PRUNE2: variants seen among roughly 807,000 people sequenced by gnomAD.
PRUNE2 encodes prune homolog 2 with BCH domain.
A neutral mutation model predicts 252.0 loss-of-function variants in PRUNE2; 164 were observed. The ratio of observed to expected loss-of-function variants is 0.65; its 90% CI spans 0.57 to 0.74. PRUNE2 has a LOEUF of 0.74. PRUNE2 is among the 30% of genes least tolerant of loss of function. The pLI, the probability that PRUNE2 is intolerant of heterozygous loss-of-function variation, is 0.00. For synonymous variants in PRUNE2, 1,292 were observed against 1,350.2 expected, an observed-to-expected ratio of 0.96 and a Z score of 0.94; for missense variants, 3,495 against 3,711.0, an observed-to-expected ratio of 0.94 and a Z score of 1.51.
At chr9:76,852,228 C>T (rs73653227) in intron 2 of PRUNE2, among the ~76,000 whole-genome samples, 3,046 of 152,344 alleles carry the variant, frequency 0.02, 110 homozygotes, top group African/African-American at 0.069. Flanking sequence ...CCTCCTGTCA[C>T]GCTAATACCG....
intron 2 of PRUNE2, among the ~76,000 whole-genome samples, chr9:76,852,249 G>A (rs571074580): frequency 6.6e-6 from 1 of 152,344 alleles, no homozygotes; most frequent in South Asian, 2.1e-4. Context: ...AACCACAATT[G>A]CATAATAAGT....
At chr9:76,821,615 A>G (rs1203432695) in intron 6 of PRUNE2, among the ~76,000 whole-genome samples, 1 of 152,070 alleles carries the variant, frequency 6.6e-6, no homozygotes, top group East Asian at 1.9e-4. Flanking sequence ...GTTCTCATTC[A>G]GCCTATAAGA....
chr9:76,647,566 T>C (rs1408196122), intron 11 of PRUNE2, among the ~76,000 whole-genome samples: 12 of 151,944 alleles, frequency 7.9e-5, no homozygotes, highest in Admixed American at 3.3e-4. Context: ...AAGACAAAAA[T>C]CAAGAGAATG....
chr9:76,891,829 C>A (rs760316000), intron 1 of PRUNE2, among the ~76,000 whole-genome samples: 1 of 152,136 alleles, frequency 6.6e-6, no homozygotes, highest in Non-Finnish European at 1.5e-5. Flanking sequence ...TGTCTCTGGG[C>A]AAGGCTGGAC....
At chr9:76,813,526 C>T (rs1451960830) in intron 6 of PRUNE2, among the ~76,000 whole-genome samples, 2 of 152,166 alleles carry the variant, frequency 1.3e-5, no homozygotes, top group African/African-American at 2.4e-5. Context: ...AATATTCTTC[C>T]AGTATTTGAA....
chr9:76,875,526 C>T (rs925557505), intron 1 of PRUNE2, among the ~76,000 whole-genome samples: 2 of 152,038 alleles, frequency 1.3e-5, no homozygotes, highest in African/African-American at 2.4e-5. Flanking sequence ...CCACCATGCC[C>T]GGCCAATTTT....
intron 1 of PRUNE2, among the ~76,000 whole-genome samples, chr9:76,894,956 G>A (rs2062730524): frequency 1.3e-5 from 2 of 152,096 alleles, no homozygotes; most frequent in African/African-American, 4.8e-5. Flanking sequence ...AACCAGGGAG[G>A]TAGAGGTTGC....
Position 76,702,609 on chromosome 9 carries a change from G to GTGAA in PRUNE2, c.8276+724_8276+727dup, listed in dbSNP as rs59841123. Among the ~76,000 whole-genome samples the GTGAA allele has an allele frequency of 1.7e-4, 26 of 150,920 alleles. No homozygotes were observed. In the South Asian group the frequency reaches 2.9e-3, roughly 17 times the overall value. On this transcript the variant is annotated intron_variant, in intron 9 of 18. Transcript: ENST00000376718. ...AGAGCAAGCTCTCAAAAACCACATGGTGAATGAATGAATGAATGAATCACT... is the reference window on the plus strand; with the variant it reads ...AGAGCAAGCTCTCAAAAACCACATGGTGAATGAATGAATGAATGAATGAATCACT...
At chr9:76,660,082 G>A (rs899482167) in intron 9 of PRUNE2, among the ~76,000 whole-genome samples, 1 of 151,950 alleles carries the variant, frequency 6.6e-6, no homozygotes, top group African/African-American at 2.4e-5. Context: ...ACATTTCCAA[G>A]CTTAAAAAAA....
In PRUNE2 at chr9:76,776,335, G is replaced by GTTATTA. The variant is rs1487667382; in HGVS notation, c.756+47296_756+47297insTAATAA. Among the ~76,000 whole-genome samples, 490 of 152,000 alleles carry GTTATTA rather than the reference G, an allele frequency of 3.2e-3. 5 individuals carry two copies. The highest frequency in any genetic ancestry group is 0.012 in the African/African-American group (481 of 41,454). On this transcript the variant is annotated intron_variant, in intron 6 of 18. Transcript: ENST00000376718. ...CTCCGATGTTATTATTTCACTCTCT[G>GTTATTA]TGTCCATGTGTACACACTGTTTAGC... is the stretch of plus-strand genomic sequence containing the variant.
chr9:76,864,407 C>A (rs1368078669), intron 1 of PRUNE2, among the ~76,000 whole-genome samples: 1 of 151,958 alleles, frequency 6.6e-6, no homozygotes, highest in Non-Finnish European at 1.5e-5. Context: ...ACCTAATACA[C>A]CCATGTAACA....
intron 4 of PRUNE2, among the ~76,000 whole-genome samples, chr9:76,839,551 G>A (rs1365280476): frequency 2.0e-5 from 3 of 152,262 alleles, no homozygotes; most frequent in Non-Finnish European, 2.9e-5. Flanking sequence ...CAAGGGATGT[G>A]AGAATAGGCA....
chr9:76,813,697 G>C (rs1019606809), intron 6 of PRUNE2, among the ~76,000 whole-genome samples: 2 of 152,090 alleles, frequency 1.3e-5, no homozygotes, highest in Non-Finnish European at 2.9e-5. Context: ...CAATGCAAGA[G>C]TTACACAAAA....
At chr9:76,775,645 C>G (rs979337284) in intron 6 of PRUNE2, among the ~76,000 whole-genome samples, 2 of 152,202 alleles carry the variant, frequency 1.3e-5, no homozygotes, top group African/African-American at 4.8e-5. Context: ...GTCCATATTT[C>G]TTCTCTTCAG....
rs778343300 is a variant in PRUNE2 at position 76,708,959 on chromosome 9, C to T, written c.3315G>A (p.Arg1105=). The change falls in exon 8 of 19, where the codon CGG becomes CGA. Residue 1105 remains arginine (R), a synonymous_variant. Transcript: ENST00000376718. ...LTLLHSSTNS[R]QTAPDSLDLW... is the part of the protein sequence containing the mutation. Reference sequence around the variant, plus strand: ...AGTCGAGACTGTCAGGGGCCGTCTGCCGGGAGTTGGTGCTGCTGTGCAAAA... The same window carrying T: ...AGTCGAGACTGTCAGGGGCCGTCTGTCGGGAGTTGGTGCTGCTGTGCAAAA... 9.9e-6 allele frequency: 16 copies of T among 1,613,944 alleles called. No individual in the cohort carries two copies. In the South Asian group the frequency reaches 1.3e-4, roughly 13 times the overall value.
intron 1 of PRUNE2, among the ~76,000 whole-genome samples, chr9:76,893,640 G>A (rs192122023): frequency 2.0e-5 from 3 of 152,366 alleles, no homozygotes; most frequent in Admixed American, 6.5e-5. Flanking sequence ...GAGATGTTGC[G>A]CTTGGTCAGG....
At chr9:76,865,464 C>G (rs2060781024) in intron 1 of PRUNE2, among the ~76,000 whole-genome samples, 1 of 152,170 alleles carries the variant, frequency 6.6e-6, no homozygotes, top group Admixed American at 6.6e-5. Flanking sequence ...TCTCACTGTA[C>G]AATGAACAAG....
intron 15 of PRUNE2, among the ~76,000 whole-genome samples, chr9:76,635,229 C>T (rs1236424669): frequency 1.3e-5 from 2 of 152,132 alleles, no homozygotes; most frequent in Non-Finnish European, 2.9e-5. Flanking sequence ...GCCTTGGCCT[C>T]CCAAACTGCT....
At chr9:76,807,279 C>T (rs187987474) in intron 6 of PRUNE2, among the ~76,000 whole-genome samples, 1 of 151,872 alleles carries the variant, frequency 6.6e-6, no homozygotes, top group African/African-American at 2.4e-5. Flanking sequence ...TCCCTATGTT[C>T]CCAGGATGGT....
Sources: gnomAD v4.1 joint callset for allele counts (sites outside exome capture counted in the v4.1 genomes callset) on GRCh38, gnomAD v4.1.1 for gene constraint, MANE v1.5 for transcripts, NCBI Gene and HGNC (gene_info 2026-07-23, HGNC 2026-07-21) for gene names.